POLR3B: variants seen among roughly 807,000 people sequenced by gnomAD.
POLR3B encodes the protein DNA-directed RNA polymerase III subunit RPC2.
POLR3B carries 96 observed loss-of-function variants against 147.4 expected under a neutral mutation model. The observed-to-expected ratio is 0.65, with a 90% confidence interval of 0.55 to 0.77. POLR3B has a LOEUF of 0.77. POLR3B is among the 30% of genes least tolerant of loss of function. The probability of loss-of-function intolerance (pLI) is 0.00; values close to 1 mark genes in which losing one functional copy is unlikely to be tolerated. For synonymous variants in POLR3B, 461 were observed against 485.9 expected (o/e 0.95, Z 0.67); for missense variants, 1,036 against 1,413.5 (o/e 0.73, Z 4.28).
intron 13 of POLR3B, 99 bp downstream of exon 13, chr12:106,427,457 A>G (rs2037454823): frequency 4.6e-6 from 5 of 1,080,478 alleles, no homozygotes; most frequent in East Asian, 4.8e-5. Flanking sequence ...GGTGAAATAT[A>G]TATATCAAAA....
At chr12:106,506,410 C>A (rs1224336922) in intron 27 of POLR3B, among the ~76,000 whole-genome samples, 2 of 152,130 alleles carry the variant, frequency 1.3e-5, no homozygotes, top group Non-Finnish European at 2.9e-5. Context: ...CCTCTCCCCA[C>A]CCCCGGAGAA....
intron 23 of POLR3B, among the ~76,000 whole-genome samples, chr12:106,465,276 T>C (rs972356010): frequency 6.6e-6 from 1 of 152,282 alleles, no homozygotes; most frequent in Non-Finnish European, 1.5e-5. Flanking sequence ...AAAGTTGATA[T>C]TCTTCTTGTA....
At chr12:106,450,364 C>A (rs2037779634) in intron 19 of POLR3B, among the ~76,000 whole-genome samples, 1 of 152,072 alleles carries the variant, frequency 6.6e-6, no homozygotes, top group South Asian at 2.1e-4. Flanking sequence ...AAAAATTGAT[C>A]TTCTCAAAAT....
chr12:106,391,309 T>TA (rs1183025205), intron 9 of POLR3B, among the ~76,000 whole-genome samples: 3 of 152,184 alleles, frequency 2.0e-5, no homozygotes. Context: ...CAGGCAGCTA[T>TA]AGTGCCTTTT....
intron 27 of POLR3B, among the ~76,000 whole-genome samples, chr12:106,505,760 G>T (rs929906282): frequency 6.6e-6 from 1 of 152,132 alleles, no homozygotes; most frequent in Non-Finnish European, 1.5e-5. Flanking sequence ...CATTGCTGGG[G>T]TTTGAGGAAT....
intron 23 of POLR3B, among the ~76,000 whole-genome samples, chr12:106,466,381 A>C (rs929711152): frequency 2.6e-5 from 4 of 152,062 alleles, no homozygotes; most frequent in African/African-American, 9.7e-5. Flanking sequence ...AGATTGCAAA[A>C]ATTTTCTCCC....
At chr12:106,370,325 T>C (rs1207272150) in intron 6 of POLR3B, among the ~76,000 whole-genome samples, 1 of 152,176 alleles carries the variant, frequency 6.6e-6, no homozygotes, top group African/African-American at 2.4e-5. Context: ...TATCACTTCT[T>C]ATGTATGATG....
In POLR3B at chr12:106,374,015, A is replaced by G. The variant is rs377739067; in HGVS notation, c.405-2344A>G. 2.0e-4 allele frequency among the ~76,000 whole-genome samples: 30 copies of G among 151,914 alleles called. No homozygotes were observed. In the East Asian group the frequency reaches 3.3e-3, roughly 17 times the overall value. On this transcript the variant is annotated intron_variant, in intron 6 of 27. Transcript: ENST00000228347. ...ATTTTTTTTTTCTCACCCTTCCCCA[A>G]CTGATTTAAAAGTCATATACAGTAT...
intron 19 of POLR3B, among the ~76,000 whole-genome samples, chr12:106,451,428 C>A (rs866465937): frequency 3.3e-5 from 5 of 151,768 alleles, no homozygotes; most frequent in African/African-American, 1.2e-4. Flanking sequence ...GAGGAGTTCA[C>A]CTGGCCAACA....
At chr12:106,366,827 G>T in intron 4 of POLR3B, 105 bp downstream of exon 4, 5 of 967,120 alleles carry the variant, frequency 5.2e-6, no homozygotes, top group Non-Finnish European at 8.1e-6. Flanking sequence ...TCTTGGCCAG[G>T]CTCGGTGGCT....
chr12:106,359,944 T>A (rs976384829), intron 1 of POLR3B, among the ~76,000 whole-genome samples: 5 of 152,218 alleles, frequency 3.3e-5, no homozygotes, highest in African/African-American at 1.2e-4. Flanking sequence ...CTATTTCTTA[T>A]CTGAATTTAC....
chr12:106,384,667 G>A (rs1490892754), intron 9 of POLR3B, among the ~76,000 whole-genome samples: 1 of 152,064 alleles, frequency 6.6e-6, no homozygotes, highest in East Asian at 1.9e-4. Flanking sequence ...TGGCCCCCTA[G>A]TATAATGCTA....
intron 6 of POLR3B, among the ~76,000 whole-genome samples, chr12:106,372,300 T>A (rs1376180749): frequency 6.6e-6 from 1 of 151,656 alleles, no homozygotes; most frequent in South Asian, 2.1e-4. Flanking sequence ...TTCTGGGGGT[T>A]ATTACATCCA....
At chr12:106,419,314 G>A (rs544341043) in intron 12 of POLR3B, among the ~76,000 whole-genome samples, 32 of 152,262 alleles carry the variant, frequency 2.1e-4, no homozygotes, top group South Asian at 1.9e-3. Context: ...TTTTCTATCT[G>A]AAAAGGTGGT....
intron 23 of POLR3B, among the ~76,000 whole-genome samples, chr12:106,482,476 C>G (rs537954566): frequency 6.6e-6 from 1 of 152,062 alleles, no homozygotes; most frequent in Non-Finnish European, 1.5e-5. Context: ...GGGAAGCAGG[C>G]ACATCTTACA....
intron 19 of POLR3B, among the ~76,000 whole-genome samples, chr12:106,445,211 G>A (rs2037706033): frequency 6.6e-6 from 1 of 152,186 alleles, no homozygotes; most frequent in African/African-American, 2.4e-5. Context: ...TGAGGCTGGA[G>A]CCTGAAAATA....
chr12:106,396,414 T>G (rs974324899), intron 10 of POLR3B, among the ~76,000 whole-genome samples: 4 of 152,232 alleles, frequency 2.6e-5, no homozygotes, highest in African/African-American at 9.6e-5. Flanking sequence ...TGGGAAAGAT[T>G]TAGATTTGAA....
At chr12:106,468,770 C>T (rs1474593522) in intron 23 of POLR3B, among the ~76,000 whole-genome samples, 1 of 152,148 alleles carries the variant, frequency 6.6e-6, no homozygotes, top group Non-Finnish European at 1.5e-5. Context: ...GTTTCTTAAT[C>T]CTGAGTTCTA....
At chr12:106,436,834 T>C (rs1225116621) in intron 16 of POLR3B, among the ~76,000 whole-genome samples, 1 of 152,198 alleles carries the variant, frequency 6.6e-6, no homozygotes, top group Non-Finnish European at 1.5e-5. Context: ...CCACACATAC[T>C]CACATGTACA....
Sources: allele counts gnomAD v4.1 joint callset (sites outside exome capture counted in the v4.1 genomes callset), GRCh38; gene constraint gnomAD v4.1.1; transcripts MANE v1.5; gene names NCBI Gene and HGNC (gene_info 2026-07-23, HGNC 2026-07-21).